BTBD9: variants seen among roughly 807,000 people sequenced by gnomAD.
The protein encoded by BTBD9 is BTB domain containing 9, also known as BTB/POZ domain-containing protein 9.
BTBD9 carries 49 observed loss-of-function variants against 64.3 expected under a neutral mutation model. The observed-to-expected ratio is 0.76, with a 90% CI of 0.61 to 0.97. The LOEUF (loss-of-function observed/expected upper bound fraction) is 0.97. Ranked by LOEUF, BTBD9 falls within the 50% of genes least tolerant of loss-of-function variation. The pLI, the probability that BTBD9 is intolerant of heterozygous loss-of-function variation, is 0.00. For missense variants in BTBD9, 598 were observed against 762.1 expected, an observed-to-expected ratio of 0.78 and a Z score of 2.53; for synonymous variants, 260 against 274.7, an observed-to-expected ratio of 0.95 and a Z score of 0.53.
chr6:38,534,703 A>T (rs1176067141), intron 6 of BTBD9, among the ~76,000 whole-genome samples: 1 of 152,154 alleles, frequency 6.6e-6, no homozygotes, highest in Non-Finnish European at 1.5e-5. Context: ...CCAGGGGTGC[A>T]AGGATAGTTT....
intron 6 of BTBD9, among the ~76,000 whole-genome samples, chr6:38,390,957 GA>G (rs1288658607): frequency 6.6e-6 from 1 of 152,164 alleles, no homozygotes; most frequent in African/African-American, 2.4e-5. Context: ...TTCCACTCTA[GA>G]AAAGACCTTA....
intron 6 of BTBD9, among the ~76,000 whole-genome samples, chr6:38,433,831 T>C (rs1242807460): frequency 6.6e-6 from 1 of 151,978 alleles, no homozygotes; most frequent in African/African-American, 2.4e-5. Context: ...CACCATAATA[T>C]GTAAGTTCCA....
At chr6:38,638,527 G>C (rs1205575047) in intron 1 of BTBD9, among the ~76,000 whole-genome samples, 1 of 152,300 alleles carries the variant, frequency 6.6e-6, no homozygotes, top group Admixed American at 6.5e-5. Flanking sequence ...AGGGCAAGGA[G>C]GAAAACACAG....
At chr6:38,546,648 G>A (rs1774565884) in intron 6 of BTBD9, among the ~76,000 whole-genome samples, 1 of 152,058 alleles carries the variant, frequency 6.6e-6, no homozygotes, top group Admixed American at 6.6e-5. Context: ...TATTATATCT[G>A]TTACGATACT....
At chr6:38,470,530 A>G (rs1770603940) in intron 6 of BTBD9, among the ~76,000 whole-genome samples, 1 of 152,236 alleles carries the variant, frequency 6.6e-6, no homozygotes, top group South Asian at 2.1e-4. Flanking sequence ...AACTCAGAAA[A>G]AAGGACCTTT....
intron 6 of BTBD9, among the ~76,000 whole-genome samples, chr6:38,512,203 T>A (rs1364908823): frequency 2.0e-5 from 3 of 151,938 alleles, no homozygotes; most frequent in African/African-American, 7.3e-5. Flanking sequence ...AAACTCCCGA[T>A]CTCAGGTGAT....
intron 7 of BTBD9, among the ~76,000 whole-genome samples, chr6:38,316,042 C>T (rs951044453): frequency 2.0e-5 from 3 of 152,028 alleles, no homozygotes; most frequent in Non-Finnish European, 4.4e-5. Context: ...TGAGTTGACC[C>T]CTTTATCACT....
At position 38,284,561 on chromosome 6, in the gene BTBD9, C is replaced by G. The variant is rs141456763; in HGVS notation, c.1454+3711G>C. On this transcript the variant is annotated intron_variant, in intron 8 of 10. Coordinates refer to ENST00000481247, the MANE Select transcript of BTBD9 (RefSeq NM_001099272.2). ...AGGTTTCCTGTTGTACCCCCTCCCCCCAGTTTCCCCTTCTTTTTTGATAGA... is the reference window on the plus strand; with the variant it reads ...AGGTTTCCTGTTGTACCCCCTCCCCGCAGTTTCCCCTTCTTTTTTGATAGA... Among the ~76,000 whole-genome samples the G allele has an allele frequency of 5.3e-5, 8 of 152,294 alleles. No individual in the cohort carries two copies. In the East Asian group the frequency reaches 1.4e-3, roughly 26 times the overall value.
intron 6 of BTBD9, among the ~76,000 whole-genome samples, chr6:38,560,806 C>A (rs1367638958): frequency 6.6e-6 from 1 of 152,134 alleles, no homozygotes; most frequent in Non-Finnish European, 1.5e-5. Flanking sequence ...TTATTTAGCT[C>A]CCACTTACAA....
At position 38,623,938 on chromosome 6, in the gene BTBD9, T is replaced by C. The variant is rs146714744; in HGVS notation, c.-28+15862A>G. ...GTTCCCCTTGGGAGGATACTACAAC[T>C]GCAGGGCCCCTTCTTTGCCCTATCC... On this transcript the variant is annotated intron_variant, in intron 1 of 10. Transcript: ENST00000481247. 4.1e-4 allele frequency among the ~76,000 whole-genome samples: 63 copies of C among 152,250 alleles called. 1 individual carries two copies. The highest frequency in any genetic ancestry group is 1.3e-3 in the African/African-American group (54 of 41,540).
chr6:38,509,114 A>G (rs1772668284), intron 6 of BTBD9, among the ~76,000 whole-genome samples: 2 of 152,218 alleles, frequency 1.3e-5, no homozygotes, highest in Admixed American at 6.5e-5. Flanking sequence ...CCTGAAGACA[A>G]GAAGTGTGAT....
At chr6:38,369,827 T>C (rs1765346640) in intron 6 of BTBD9, among the ~76,000 whole-genome samples, 1 of 152,188 alleles carries the variant, frequency 6.6e-6, no homozygotes, top group African/African-American at 2.4e-5. Context: ...GCAATTAGGA[T>C]TCTAGCTAGT....
chr6:38,246,089 C>T (rs1269040148), intron 9 of BTBD9, among the ~76,000 whole-genome samples: 1 of 152,168 alleles, frequency 6.6e-6, no homozygotes, highest in Non-Finnish European at 1.5e-5. Flanking sequence ...AGAGAGGAGC[C>T]TCCCACTGGG....
chr6:38,228,735 G>A (rs941294857), intron 9 of BTBD9, among the ~76,000 whole-genome samples: 3 of 151,512 alleles, frequency 2.0e-5, no homozygotes, highest in African/African-American at 4.8e-5. Context: ...TTAGCCAGGC[G>A]TGGTGGCATG....
intron 4 of BTBD9, among the ~76,000 whole-genome samples, chr6:38,590,258 A>C (rs1776736801): frequency 6.6e-6 from 1 of 152,264 alleles, no homozygotes; most frequent in African/African-American, 2.4e-5. Context: ...ACACAGAAAA[A>C]AAAACACATC....
intron 6 of BTBD9, among the ~76,000 whole-genome samples, chr6:38,457,849 C>T (rs1286121135): frequency 6.6e-6 from 1 of 152,160 alleles, no homozygotes; most frequent in Non-Finnish European, 1.5e-5. Context: ...TCTGTTAGTT[C>T]TTCGGATCCA....
chr6:38,283,024 A>G (rs1294773425), intron 8 of BTBD9, among the ~76,000 whole-genome samples: 1 of 152,218 alleles, frequency 6.6e-6, no homozygotes, highest in Non-Finnish European at 1.5e-5. Context: ...GCACATAGTA[A>G]GAGGATTAGT....
intron 4 of BTBD9, among the ~76,000 whole-genome samples, chr6:38,591,768 G>T (rs571909664): frequency 2.0e-5 from 3 of 152,270 alleles, no homozygotes; most frequent in African/African-American, 7.2e-5. Flanking sequence ...CTCTGTAAGT[G>T]TTAATTGCTA....
intron 4 of BTBD9, among the ~76,000 whole-genome samples, chr6:38,585,869 A>C (rs1452263106): frequency 2.0e-5 from 3 of 151,828 alleles, no homozygotes; most frequent in Non-Finnish European, 2.9e-5. Flanking sequence ...CAAGAAATAT[A>C]ATATCACAGT....
Sources: gnomAD v4.1 joint callset for allele counts (sites outside exome capture counted in the v4.1 genomes callset) on GRCh38, gnomAD v4.1.1 for gene constraint, MANE v1.5 for transcripts, NCBI Gene and HGNC (gene_info 2026-07-23, HGNC 2026-07-21) for gene names.